SCNN1B: variants seen among roughly 807,000 people sequenced by gnomAD.
SCNN1B encodes sodium channel epithelial 1 subunit beta, also known as epithelial sodium channel subunit beta.
SCNN1B carries 46 observed loss-of-function variants against 65.3 expected under a neutral mutation model. The observed-to-expected ratio is 0.70, with a 90% CI of 0.56 to 0.90. The LOEUF (loss-of-function observed/expected upper bound fraction) is 0.90, where lower values mean the gene tolerates loss of function less well. SCNN1B is among the 40% of genes least tolerant of loss of function. The probability of loss-of-function intolerance (pLI) is 0.00; values close to 1 mark genes in which losing one functional copy is unlikely to be tolerated. For synonymous variants in SCNN1B, 349 were observed against 330.6 expected (o/e 1.06, Z -0.60); for missense variants, 751 against 830.5 (o/e 0.90, Z 1.18).
At chr16:23,299,486 TC>T (rs1398269416), upstream of SCNN1B, among the ~76,000 whole-genome samples, 2 of 152,198 alleles carry the variant, frequency 1.3e-5, no homozygotes, top group African/African-American at 2.4e-5. Context: ...GTCCCAGAGA[TC>T]CTTTCAGGAG....
intron 4 of SCNN1B, among the ~76,000 whole-genome samples, chr16:23,365,606 A>AG (rs1962649062): frequency 7.0e-5 from 5 of 71,894 alleles, no homozygotes; most frequent in Admixed American, 1.3e-4. Context: ...AGAAAGAAAG[A>AG]AAGAAAGAAA....
chr16:23,364,167 A>AAAATAAAT (rs909847161), intron 4 of SCNN1B, among the ~76,000 whole-genome samples: 5 of 152,290 alleles, frequency 3.3e-5, no homozygotes, highest in East Asian at 1.9e-4. Context: ...ACTCCATCTC[A>AAAATAAAT]AAATAAATAA....
chr16:23,325,536 G>A (rs887024146), intron 1 of SCNN1B, among the ~76,000 whole-genome samples: 2 of 141,640 alleles, frequency 1.4e-5, no homozygotes, highest in African/African-American at 6.3e-5. Context: ...CAAAGTGCTG[G>A]GATTACAGGT....
chr16:23,309,534 C>A (rs1042082895), intron 1 of SCNN1B, among the ~76,000 whole-genome samples: 1 of 152,168 alleles, frequency 6.6e-6, no homozygotes, highest in African/African-American at 2.4e-5. Flanking sequence ...AGCAAGGAAG[C>A]CAGTCCGAGC....
At chr16:23,312,058 T>C (rs1263495157) in intron 1 of SCNN1B, among the ~76,000 whole-genome samples, 1 of 151,692 alleles carries the variant, frequency 6.6e-6, no homozygotes, top group Non-Finnish European at 1.5e-5. Flanking sequence ...TTGCCTGCCC[T>C]AGGAGAAGGG....
rs1308147384 is a variant in SCNN1B, at chr16:23,343,591, GAA to G, written c.-8-4999_-8-4998del. On this transcript the variant is annotated intron_variant, in intron 1 of 12. Coordinates refer to ENST00000343070, the MANE Select transcript of SCNN1B (RefSeq NM_000336.3). ...AGAAAGAAAGAAAAAGAGAAAGAAA[GAA>G]AGAAAGAAAGAAAGAAAGAAAGAAA... Among the ~76,000 whole-genome samples the G allele has an allele frequency of 6.6e-5, 4 of 60,896 alleles. 1 individual carries two copies. The highest frequency in any genetic ancestry group is 3.6e-4 in the Admixed American group (2 of 5,496). The allele number at this position is 60,896 out of a possible 152,430, so 40.0% of individuals were successfully genotyped here.
At position 23,288,586 on chromosome 16, in the gene SCNN1B, T is replaced by C. The variant is rs569198216; in HGVS notation, n.178+4782T>C. On this transcript the variant is annotated intron_variant and non_coding_transcript_variant, in intron 2 of 3. Coordinates refer to the SCNN1B transcript ENST00000569789. Reference sequence around the variant, plus strand: ...TGGGAGGCCAAGGTGGGAGGATTGCTTGAGCCCAGCAGTTTAAGACCAGCC... The same window carrying C: ...TGGGAGGCCAAGGTGGGAGGATTGCCTGAGCCCAGCAGTTTAAGACCAGCC... Among the ~76,000 whole-genome samples, 8 of 152,282 alleles carry C rather than the reference T, an allele frequency of 5.3e-5. No individual in the cohort carries two copies. In the East Asian group the frequency reaches 1.4e-3, roughly 26 times the overall value.
intron 1 of SCNN1B, among the ~76,000 whole-genome samples, chr16:23,314,193 T>A (rs1246395778): frequency 1.3e-5 from 2 of 151,968 alleles, no homozygotes; most frequent in Non-Finnish European, 2.9e-5. Flanking sequence ...CTAACTTTTT[T>A]ATTTTATTTG....
At chr16:23,360,201 A>AAAAATAAATAAATAAATAAAT (rs1555488432) in intron 4 of SCNN1B, among the ~76,000 whole-genome samples, 10 of 132,752 alleles carry the variant, frequency 7.5e-5, no homozygotes, top group Non-Finnish European at 1.2e-4. Context: ...CCATCTCAAA[A>AAAAATAAATAAATAAATAAAT]AAATAAATAA....
rs1403233524 is a variant in SCNN1B at position 23,380,597 on chromosome 16, C to T, written c.1719C>T (p.Gly573=). 1.2e-6 allele frequency: 2 copies of T among 1,613,920 alleles called. No homozygotes were observed. The highest frequency in any genetic ancestry group is 1.7e-5 in the Admixed American group (1 of 60,000). Residue 573 remains glycine, a synonymous_variant, in exon 13 of 13, where the codon GGC becomes GGT. Transcript: ENST00000343070. The surrounding 1 kb of genome is among the most constrained non-coding windows in gnomAD (Gnocchi z 5.4). Reference sequence around the variant, plus strand: ...GGCGAGCCCAAGCCAGCTACGCTGGCCCACCGCCCACCGTGGCCGAGCTGG... The same window carrying T: ...GGCGAGCCCAAGCCAGCTACGCTGGTCCACCGCCCACCGTGGCCGAGCTGG... ...RQRRAQASYA[G]PPPTVAELVE...
chr16:23,338,079 C>A (rs1961980951), intron 1 of SCNN1B, among the ~76,000 whole-genome samples: 2 of 152,058 alleles, frequency 1.3e-5, no homozygotes, highest in South Asian at 4.2e-4. Context: ...GTCAAAAAAA[C>A]CACAACAACA....
At position 23,339,718 on chromosome 16, in the gene SCNN1B, A is replaced by G. The variant is rs764759189; in HGVS notation, c.-8-8874A>G. On this transcript the variant is annotated intron_variant, in intron 1 of 12. Transcript: ENST00000343070. ...GTAGCTGGGATTACAGGCGTGTGGC[A>G]CCACTCCCAGCTAATTTTTTTGTAT... is the stretch of plus-strand genomic sequence containing the variant. Among the ~76,000 whole-genome samples the G allele has an allele frequency of 8.9e-4, 135 of 152,056 alleles. 1 individual carries two copies. Among genetic ancestry groups the G allele is most frequent in the Admixed American group, 2.6e-4 (4 of 15,238 alleles).
At chr16:23,286,605 C>G (rs895613574) in intron 2 of SCNN1B, among the ~76,000 whole-genome samples, 9 of 152,206 alleles carry the variant, frequency 5.9e-5, no homozygotes, top group African/African-American at 2.2e-4. Flanking sequence ...GATTTAGCTT[C>G]TAGTTTATAG....
At chr16:23,314,084 A>G (rs1057420209) in intron 1 of SCNN1B, among the ~76,000 whole-genome samples, 2 of 152,118 alleles carry the variant, frequency 1.3e-5, no homozygotes, top group African/African-American at 2.4e-5. Flanking sequence ...CAGTGGCTCA[A>G]TCACAGCTCA....
At chr16:23,295,591 A>G (rs896991355) in intron 2 of SCNN1B, among the ~76,000 whole-genome samples, 3 of 152,106 alleles carry the variant, frequency 2.0e-5, no homozygotes, top group African/African-American at 4.8e-5. Flanking sequence ...GCCTCACGCA[A>G]TCCTCCCACC....
intron 3 of SCNN1B, among the ~76,000 whole-genome samples, chr16:23,354,282 C>A (rs772487717): frequency 2.0e-5 from 3 of 152,208 alleles, no homozygotes; most frequent in African/African-American, 7.2e-5. Context: ...GAACAAAGCC[C>A]GGAACAGGGT....
In SCNN1B at chr16:23,348,938, C is replaced by A; in HGVS notation, c.311+28C>A. 1 of 1,589,044 alleles carries A rather than the reference C, an allele frequency of 6.3e-7. No individual in the cohort carries two copies. Among genetic ancestry groups the A allele is most frequent in the Non-Finnish European group, 8.6e-7 (1 of 1,157,466 alleles). On this transcript the variant is annotated intron_variant, in intron 2 of 12. Coordinates refer to ENST00000343070, the MANE Select transcript of SCNN1B (RefSeq NM_000336.3). This position sits in a 1 kb window ranked among gnomAD's most constrained non-coding sequence, Gnocchi z 4.5. ...AGGTGGCCCCGGAGTGCACAGCTGGCCTCAGCAGACAGGCGGTTCTCTTTC... is the reference window on the plus strand; with the variant it reads ...AGGTGGCCCCGGAGTGCACAGCTGGACTCAGCAGACAGGCGGTTCTCTTTC...
At chr16:23,371,624 GA>G in intron 6 of SCNN1B, 151 bp from the exon 7 acceptor site, 1 of 978,938 alleles carries the variant, frequency 1.0e-6, no homozygotes, top group East Asian at 2.5e-5. Flanking sequence ...AGCTTTAGGG[GA>G]AGGTGAGCCC....
intron 1 of SCNN1B, among the ~76,000 whole-genome samples, chr16:23,279,233 C>A (rs904121630): frequency 9.9e-5 from 15 of 152,130 alleles, no homozygotes; most frequent in Admixed American, 9.2e-4. Flanking sequence ...GTGCCCACCA[C>A]CACGCCTGGC....
Sources: allele counts gnomAD v4.1 joint callset (sites outside exome capture counted in the v4.1 genomes callset), GRCh38; gene constraint gnomAD v4.1.1; non-coding constraint Gnocchi (gnomAD v3.1); transcripts MANE v1.5; gene names NCBI Gene and HGNC (gene_info 2026-07-23, HGNC 2026-07-21).